GNAQ: variants seen among roughly 807,000 people sequenced by gnomAD.
GNAQ encodes the protein guanine nucleotide-binding protein G(q) subunit alpha.
A neutral mutation model predicts 43.9 loss-of-function variants in GNAQ; 8 were observed. The observed-to-expected ratio is 0.18, with a 90% confidence interval of 0.11 to 0.33. The LOEUF (loss-of-function observed/expected upper bound fraction) is 0.33. Ranked by LOEUF, GNAQ falls within the 10% of genes least tolerant of loss-of-function variation. The pLI is 1.00. For synonymous variants in GNAQ, 155 were observed against 170.7 expected, an observed-to-expected ratio of 0.91 and a Z score of 0.71; for missense variants, 158 against 450.8, an observed-to-expected ratio of 0.35 and a Z score of 5.88.
intron 1 of GNAQ, among the ~76,000 whole-genome samples, chr9:77,928,206 C>T (rs1430762888): frequency 6.6e-6 from 1 of 152,208 alleles, no homozygotes; most frequent in African/African-American, 2.4e-5. Context: ...TTTTCCTCTA[C>T]TTAGATTAAA....
chr9:77,870,965 A>G (rs1433363692), intron 2 of GNAQ, among the ~76,000 whole-genome samples: 2 of 152,160 alleles, frequency 1.3e-5, no homozygotes, highest in African/African-American at 4.8e-5. Context: ...GGGATGGGAG[A>G]CTAACTGTAA....
chr9:77,824,360 T>TA (rs1218936300), intron 2 of GNAQ, among the ~76,000 whole-genome samples: 3 of 152,190 alleles, frequency 2.0e-5, no homozygotes, highest in African/African-American at 7.2e-5. Context: ...CTCACTCTAT[T>TA]ATGTTTTTCA....
At chr9:77,858,426 C>A (rs1827794145) in intron 2 of GNAQ, among the ~76,000 whole-genome samples, 1 of 152,056 alleles carries the variant, frequency 6.6e-6, no homozygotes, top group Non-Finnish European at 1.5e-5. Context: ...TTAGAGTGAC[C>A]ACTACTACCT....
chr9:77,797,349 G>A (rs1025869086), intron 4 of GNAQ, among the ~76,000 whole-genome samples, 171 bp downstream of exon 4: 1 of 152,054 alleles, frequency 6.6e-6, no homozygotes, highest in Non-Finnish European at 1.5e-5. Context: ...ACATCTTTCT[G>A]TTATTTCCTC....
chr9:77,719,116 GT>G lies in GNAQ; in HGVS notation c.*2206del, dbSNP rs879031242. On this transcript the variant is annotated 3_prime_UTR_variant, in exon 7 of 7. Transcript: ENST00000286548. The stretch of plus-strand genomic sequence containing the variant: ...TAGTACCGCTCTGTATGACAGTAAG[GT>G]TTTTTTTTTTTCTTCTTTTCTAAAT... 4.8e-3 allele frequency: 987 copies of G among 205,836 alleles called. No homozygotes were observed. Among genetic ancestry groups the G allele is most frequent in the East Asian group, 0.01 (138 of 13,654 alleles). 12.8% of individuals were successfully genotyped at this position (205,836 alleles called of 1,614,324 possible). A position where few individuals can be genotyped will look rare whatever the true frequency, so the allele number is the denominator to read the frequency against.
At chr9:78,017,215 G>A (rs1045670029) in intron 1 of GNAQ, among the ~76,000 whole-genome samples, 3 of 152,100 alleles carry the variant, frequency 2.0e-5, no homozygotes, top group Non-Finnish European at 1.5e-5. Context: ...AATTTCTGTG[G>A]TGTAAACCCT....
At chr9:77,724,253 T>G (rs1825363620) in intron 6 of GNAQ, among the ~76,000 whole-genome samples, 1 of 152,038 alleles carries the variant, frequency 6.6e-6, no homozygotes, top group African/African-American at 2.4e-5. Context: ...TGCAGTGCCA[T>G]GATCTTGGCT....
intron 1 of GNAQ, among the ~76,000 whole-genome samples, chr9:77,981,975 C>T (rs968370250): frequency 3.9e-5 from 6 of 152,140 alleles, no homozygotes; most frequent in Non-Finnish European, 7.4e-5. Context: ...GGAGGGTGCT[C>T]TGTTCTGTGT....
chr9:77,926,079 C>T (rs770853483), intron 1 of GNAQ, among the ~76,000 whole-genome samples: 14 of 151,898 alleles, frequency 9.2e-5, no homozygotes, highest in African/African-American at 2.2e-4. Flanking sequence ...ATGGAACCCG[C>T]GAATAGGGAA....
At chr9:77,722,460 G>A (rs1825331840) in intron 6 of GNAQ, among the ~76,000 whole-genome samples, 1 of 151,978 alleles carries the variant, frequency 6.6e-6, no homozygotes, top group Non-Finnish European at 1.5e-5. Flanking sequence ...ATTGATTTAA[G>A]AAGGAGTCTC....
At chr9:77,995,703 A>G (rs935603759) in intron 1 of GNAQ, among the ~76,000 whole-genome samples, 2 of 152,008 alleles carry the variant, frequency 1.3e-5, no homozygotes, top group Admixed American at 1.3e-4. Context: ...GCTGGTCTCA[A>G]ACTCCTGGCT....
chr9:77,740,684 CTT>C (rs1825639937), intron 5 of GNAQ, among the ~76,000 whole-genome samples: 1 of 151,942 alleles, frequency 6.6e-6, no homozygotes, highest in Non-Finnish European at 1.5e-5. Flanking sequence ...TCTTTTTAGT[CTT>C]TTCATTTTCA....
intron 1 of GNAQ, among the ~76,000 whole-genome samples, chr9:78,028,627 T>C (rs1200170151): frequency 6.6e-6 from 1 of 152,194 alleles, no homozygotes; most frequent in Non-Finnish European, 1.5e-5. Context: ...CATAAACTAG[T>C]TAAAAATATT....
At chr9:77,946,096 G>T (rs147031741) in intron 1 of GNAQ, among the ~76,000 whole-genome samples, 7 of 152,278 alleles carry the variant, frequency 4.6e-5, no homozygotes, top group African/African-American at 1.7e-4. Flanking sequence ...TGACGCAGAG[G>T]AGAGAGGACC....
chr9:77,790,951 A>G (rs1826561496), intron 5 of GNAQ, among the ~76,000 whole-genome samples: 1 of 152,238 alleles, frequency 6.6e-6, no homozygotes, highest in African/African-American at 2.4e-5. Flanking sequence ...ATAAACGTCT[A>G]TGCTTTCCTT....
chr9:77,850,508 T>C (rs1482563659), intron 2 of GNAQ, among the ~76,000 whole-genome samples: 1 of 152,194 alleles, frequency 6.6e-6, no homozygotes. Flanking sequence ...CTCCACAGTG[T>C]GATGGAATGA....
chr9:77,975,168 C>T (rs1823282983), intron 1 of GNAQ, among the ~76,000 whole-genome samples: 1 of 152,112 alleles, frequency 6.6e-6, no homozygotes, highest in South Asian at 2.1e-4. Context: ...TTTTTGGTGA[C>T]CCAGGATTAA....
At chr9:77,752,194 G>C (rs997858972) in intron 5 of GNAQ, among the ~76,000 whole-genome samples, 1 of 152,198 alleles carries the variant, frequency 6.6e-6, no homozygotes, top group African/African-American at 2.4e-5. Context: ...AATAAACATG[G>C]TGTAGAGAGG....
intron 3 of GNAQ, among the ~76,000 whole-genome samples, chr9:77,814,595 A>G (rs1486261477): frequency 6.6e-6 from 1 of 152,182 alleles, no homozygotes; most frequent in Non-Finnish European, 1.5e-5. Context: ...AATTAGAGTA[A>G]AAGCATGACA....
Sources: gnomAD v4.1 joint callset for allele counts (sites outside exome capture counted in the v4.1 genomes callset) on GRCh38, gnomAD v4.1.1 for gene constraint, MANE v1.5 for transcripts, NCBI Gene and HGNC (gene_info 2026-07-23, HGNC 2026-07-21) for gene names.